NAV3: variants seen among roughly 807,000 people sequenced by gnomAD.
NAV3 encodes pore membrane and/or filament interacting like protein 1.
In NAV3, 87 loss-of-function variants were observed where a neutral mutation model predicts 244.7. The observed-to-expected ratio is 0.36, with a 90% confidence interval of 0.30 to 0.42. The LOEUF is 0.42. Ranked by LOEUF, NAV3 falls within the 20% of genes least tolerant of loss-of-function variation. The probability of loss-of-function intolerance (pLI) is 1.00; values close to 1 mark genes in which losing one functional copy is unlikely to be tolerated. For synonymous variants in NAV3, 1,126 were observed against 1,042.2 expected (o/e 1.08, Z -1.55); for missense variants, 2,663 against 2,893.3 (o/e 0.92, Z 1.83).
intron 2 of NAV3, among the ~76,000 whole-genome samples, chr12:77,659,208 C>T (rs978827755): frequency 1.3e-5 from 2 of 151,362 alleles, no homozygotes; most frequent in Non-Finnish European, 2.9e-5. Flanking sequence ...GCAACCTACT[C>T]GTCTGACAAA....
chr12:77,963,966 A>ACCCT (rs1565965522), intron 3 of NAV3, among the ~76,000 whole-genome samples: 1 of 43,266 alleles, frequency 2.3e-5, no homozygotes, highest in African/African-American at 9.6e-5. Context: ...CTCCTCCTTC[A>ACCCT]CCCTCCCCTT....
chr12:77,821,769 C>T (rs993758896), intron 2 of NAV3, among the ~76,000 whole-genome samples: 27 of 152,208 alleles, frequency 1.8e-4, no homozygotes, highest in Admixed American at 1.1e-3. Context: ...CATTTTTGGC[C>T]GCATTTCCCA....
chr12:77,704,217 A>G (rs978133887), intron 2 of NAV3, among the ~76,000 whole-genome samples: 5 of 152,182 alleles, frequency 3.3e-5, no homozygotes, highest in African/African-American at 1.2e-4. Flanking sequence ...ATAATAGTTA[A>G]AGTTATTAAA....
chr12:78,126,470 T>C (rs145874812), intron 16 of NAV3, among the ~76,000 whole-genome samples: 2 of 152,298 alleles, frequency 1.3e-5, no homozygotes, highest in African/African-American at 4.8e-5. Flanking sequence ...AGAGAGGCCA[T>C]TTCTTATTTT....
At chr12:78,089,306 A>G (rs1404339424) in intron 12 of NAV3, among the ~76,000 whole-genome samples, 1 of 152,194 alleles carries the variant, frequency 6.6e-6, no homozygotes, top group Non-Finnish European at 1.5e-5. Context: ...ATGATAAACC[A>G]TAAAGTAATG....
At chr12:77,915,613 T>A (rs1443046516) in intron 1 of NAV3, among the ~76,000 whole-genome samples, 1 of 152,064 alleles carries the variant, frequency 6.6e-6, no homozygotes, top group East Asian at 1.9e-4. Context: ...TGCTATGTTA[T>A]ACCTGCAAAA....
At position 78,127,067 on chromosome 12, in the gene NAV3, A is replaced by G. The variant is rs1955940931; in HGVS notation, c.4239-100A>G. The G allele has an allele frequency of 8.3e-6, 10 of 1,212,020 alleles. No homozygotes were observed. In the South Asian group the frequency reaches 1.2e-4, roughly 15 times the overall value. The allele number at this position is 1,212,020 out of a possible 1,614,324, so 75.1% of individuals were successfully genotyped here. A position where few individuals can be genotyped will look rare whatever the true frequency, so the allele number is the denominator to read the frequency against. On this transcript the variant is annotated intron_variant, in intron 16 of 39. Coordinates refer to ENST00000397909, the MANE Select transcript of NAV3 (RefSeq NM_001024383.2). ...GTTAAGCATTATATGTGTGTTACCA[A>G]AAAATTATTTTTTATAGTTCAGAGA... is the stretch of plus-strand genomic sequence containing the variant.
At chr12:78,126,765 G>A (rs1345343397) in intron 16 of NAV3, among the ~76,000 whole-genome samples, 1 of 152,074 alleles carries the variant, frequency 6.6e-6, no homozygotes, top group Admixed American at 6.5e-5. Context: ...TACCATCTCT[G>A]TCAATTGGAA....
chr12:77,860,034 G>T (rs1188394412), intron 1 of NAV3, among the ~76,000 whole-genome samples: 1 of 151,834 alleles, frequency 6.6e-6, no homozygotes, highest in East Asian at 1.9e-4. Flanking sequence ...AGCTATATAT[G>T]AACTGATAAT....
intron 9 of NAV3, among the ~76,000 whole-genome samples, chr12:78,047,260 G>A (rs954707693): frequency 4.6e-5 from 7 of 152,102 alleles, no homozygotes; most frequent in South Asian, 2.1e-4. Flanking sequence ...GGCCGAGGCA[G>A]GCGGATCATG....
chr12:77,681,587 C>A (rs1340128780), intron 2 of NAV3, among the ~76,000 whole-genome samples: 2 of 152,280 alleles, frequency 1.3e-5, no homozygotes, highest in East Asian at 3.9e-4. Flanking sequence ...GAACCACAAA[C>A]CGTGCAGTGT....
intron 2 of NAV3, among the ~76,000 whole-genome samples, chr12:77,638,154 G>A (rs897459732): frequency 2.0e-5 from 3 of 152,098 alleles, no homozygotes; most frequent in Admixed American, 6.5e-5. Flanking sequence ...TTAATGTCTT[G>A]TTCCAATTAG....
chr12:78,104,532 A>G lies in NAV3; in HGVS notation c.2637-12240A>G, dbSNP rs140494367. On this transcript the variant is annotated intron_variant, in intron 12 of 39. Transcript: ENST00000397909. ...AATCCAGAACTACAAATTAACTAAG[A>G]TTGGCCCCATCGAGTTACTGAACGT... Among the ~76,000 whole-genome samples, 111 of 152,350 alleles carry G rather than the reference A, an allele frequency of 7.3e-4. 1 individual carries two copies. The highest frequency in any genetic ancestry group is 2.5e-3 in the African/African-American group (103 of 41,582).
At chr12:78,136,464 A>G (rs1956377975) in intron 18 of NAV3, among the ~76,000 whole-genome samples, 1 of 152,158 alleles carries the variant, frequency 6.6e-6, no homozygotes, top group Non-Finnish European at 1.5e-5. Context: ...ATTGTTATTA[A>G]AAATTACAGA....
intron 3 of NAV3, among the ~76,000 whole-genome samples, chr12:77,942,976 T>C (rs918903675): frequency 6.6e-6 from 1 of 152,160 alleles, no homozygotes; most frequent in African/African-American, 2.4e-5. Flanking sequence ...TATAAAACAT[T>C]TTAAGTCTAG....
At chr12:78,160,981 C>A (rs959872641) in intron 23 of NAV3, among the ~76,000 whole-genome samples, 2 of 151,104 alleles carry the variant, frequency 1.3e-5, no homozygotes, top group African/African-American at 4.9e-5. Context: ...CCCTCTCTTT[C>A]TTTTTTGCTG....
intron 13 of NAV3, among the ~76,000 whole-genome samples, chr12:78,117,796 T>C (rs781069920): frequency 8.5e-5 from 13 of 152,058 alleles, no homozygotes; most frequent in Non-Finnish European, 1.8e-4. Flanking sequence ...ATATAGAAAA[T>C]TTCTACCTTT....
chr12:78,077,398 G>T (rs756637415), intron 12 of NAV3, among the ~76,000 whole-genome samples: 1 of 152,102 alleles, frequency 6.6e-6, no homozygotes, highest in African/African-American at 2.4e-5. Context: ...AAGATATTGT[G>T]TATCTGTTTA....
At chr12:78,143,038 T>C (rs1176327972) in intron 20 of NAV3, among the ~76,000 whole-genome samples, 1 of 152,128 alleles carries the variant, frequency 6.6e-6, no homozygotes, top group Non-Finnish European at 1.5e-5. Context: ...AAAATACCTA[T>C]GAAAATGCTT....
Sources: gnomAD v4.1 joint callset for allele counts (sites outside exome capture counted in the v4.1 genomes callset) on GRCh38, gnomAD v4.1.1 for gene constraint, MANE v1.5 for transcripts, NCBI Gene and HGNC (gene_info 2026-07-23, HGNC 2026-07-21) for gene names.